PRKN: variants seen among roughly 807,000 people sequenced by gnomAD.
The protein encoded by PRKN is parkin RBR E3 ubiquitin protein ligase, also known as E3 ubiquitin-protein ligase parkin.
PRKN carries 56 observed loss-of-function variants against 59.5 expected under a neutral mutation model. That is an observed-to-expected ratio of 0.94 (90% CI 0.76 to 1.18). The LOEUF is 1.18. Ranked by LOEUF, PRKN falls within the 50% of genes most tolerant of loss-of-function variation. PRKN has a pLI of 0.00. For synonymous variants in PRKN, 250 were observed against 222.1 expected (o/e 1.13, Z -1.12); for missense variants, 657 against 596.4 (o/e 1.10, Z -1.06).
intron 1 of PRKN, among the ~76,000 whole-genome samples, chr6:162,624,966 C>G (rs915078566): frequency 1.3e-5 from 2 of 152,226 alleles, no homozygotes; most frequent in African/African-American, 2.4e-5. Context: ...AGTGTTTCAA[C>G]CATCTGCTAC....
intron 6 of PRKN, among the ~76,000 whole-genome samples, chr6:161,799,804 C>T (rs370754639): frequency 1.3e-5 from 2 of 152,196 alleles, no homozygotes; most frequent in African/African-American, 4.8e-5. Flanking sequence ...GGGGATGGGA[C>T]ATTTGCATTG....
intron 2 of PRKN, among the ~76,000 whole-genome samples, chr6:162,353,535 A>G (rs1209652060): frequency 6.6e-6 from 1 of 152,204 alleles, no homozygotes; most frequent in East Asian, 1.9e-4. Context: ...TCATATTCAC[A>G]TATGTATACT....
intron 3 of PRKN, among the ~76,000 whole-genome samples, chr6:162,225,155 A>G (rs1299040362): frequency 6.6e-6 from 1 of 152,196 alleles, no homozygotes; most frequent in East Asian, 1.9e-4. Context: ...GAGCAGGTGC[A>G]AAAGACAAAA....
At chr6:162,599,365 G>A (rs949123217) in intron 1 of PRKN, among the ~76,000 whole-genome samples, 1 of 152,028 alleles carries the variant, frequency 6.6e-6, no homozygotes, top group Admixed American at 6.6e-5. Context: ...AAGTCCACCC[G>A]ACCTCACAAG....
At chr6:162,303,908 G>A (rs2128114800) in intron 2 of PRKN, among the ~76,000 whole-genome samples, 1 of 152,212 alleles carries the variant, frequency 6.6e-6, no homozygotes, top group Admixed American at 6.5e-5. Flanking sequence ...ATAGGAATGA[G>A]GAGGGAGGCA....
chr6:162,501,351 C>CG (rs1359604359), intron 1 of PRKN, among the ~76,000 whole-genome samples: 1 of 110,416 alleles, frequency 9.1e-6, no homozygotes, highest in African/African-American at 3.1e-5. Context: ...TCCCTTTTTT[C>CG]CTTTTTTTTT....
chr6:162,587,891 G>A, intron 1 of PRKN, among the ~76,000 whole-genome samples: 1 of 151,940 alleles, frequency 6.6e-6, no homozygotes, highest in South Asian at 2.1e-4. Flanking sequence ...TATGTTGCAA[G>A]GAGATTATAC....
chr6:161,772,066 A>G (rs1378988033), intron 7 of PRKN, among the ~76,000 whole-genome samples: 4 of 152,200 alleles, frequency 2.6e-5, no homozygotes, highest in Non-Finnish European at 5.9e-5. Flanking sequence ...CCAAAGCAAC[A>G]TACAGTATTG....
At chr6:162,499,546 C>CATTTA (rs1793266369) in intron 1 of PRKN, among the ~76,000 whole-genome samples, 1 of 152,164 alleles carries the variant, frequency 6.6e-6, no homozygotes, top group South Asian at 2.1e-4. Flanking sequence ...AATGTGGAGA[C>CATTTA]TGGGGCAACT....
intron 6 of PRKN, among the ~76,000 whole-genome samples, chr6:161,839,537 C>T (rs1032575274): frequency 5.3e-5 from 8 of 152,128 alleles, no homozygotes; most frequent in South Asian, 2.1e-4. Context: ...AGGAGGTAGC[C>T]GGGGGTCCCA....
intron 7 of PRKN, among the ~76,000 whole-genome samples, chr6:161,746,748 C>T (rs752770799): frequency 2.3e-4 from 33 of 144,572 alleles, no homozygotes; most frequent in Non-Finnish European, 4.2e-4. Context: ...TCTAGATATG[C>T]ACATATATAT....
chr6:161,994,720 T>C (rs1178097253), intron 5 of PRKN, among the ~76,000 whole-genome samples: 1 of 151,284 alleles, frequency 6.6e-6, no homozygotes, highest in Non-Finnish European at 1.5e-5. Context: ...TTACAATAGC[T>C]ACCAAAAAAT....
intron 4 of PRKN, among the ~76,000 whole-genome samples, chr6:162,132,054 G>T (rs1330276608): frequency 6.6e-6 from 1 of 152,282 alleles, no homozygotes; most frequent in South Asian, 2.1e-4. Flanking sequence ...ACATAGAGCT[G>T]GGTTTTGTTA....
chr6:162,159,847 G>T (rs1443749918), intron 4 of PRKN, among the ~76,000 whole-genome samples: 2 of 152,184 alleles, frequency 1.3e-5, no homozygotes, highest in Admixed American at 6.5e-5. Flanking sequence ...ATTCAGTGGA[G>T]AATGGACAAT....
chr6:162,114,241 A>G (rs890927200), intron 4 of PRKN, among the ~76,000 whole-genome samples: 15 of 152,040 alleles, frequency 9.9e-5, no homozygotes, highest in Non-Finnish European at 1.9e-4. Context: ...TTGTTTTCCA[A>G]TTCTGTGAAG....
chr6:162,133,527 G>C (rs947751815), intron 4 of PRKN, among the ~76,000 whole-genome samples: 3 of 152,086 alleles, frequency 2.0e-5, no homozygotes, highest in Non-Finnish European at 1.5e-5. Context: ...CTATCCAATG[G>C]GTAGCTGAAT....
intron 2 of PRKN, among the ~76,000 whole-genome samples, chr6:162,336,361 T>C (rs1783847090): frequency 6.6e-6 from 1 of 152,170 alleles, no homozygotes; most frequent in African/African-American, 2.4e-5. Context: ...CTCCTCTCTC[T>C]GGAAGCCTCA....
Position 161,700,538 on chromosome 6 carries a change from G to A in PRKN, c.871+85234C>T, listed in dbSNP as rs974719859. ...GGACCTGATGTATATCAGGTAATGG[G>A]GTTAGCTGTTGGAGGCTACAACTTC... On this transcript the variant is annotated intron_variant, in intron 7 of 11. Transcript: ENST00000366898. 2.0e-5 allele frequency among the ~76,000 whole-genome samples: 3 copies of A among 152,088 alleles called. 1 individual carries two copies. Among genetic ancestry groups the A allele is most frequent in the Admixed American group, 6.5e-5 (1 of 15,268 alleles).
chr6:162,230,834 C>A (rs369049668), intron 3 of PRKN, among the ~76,000 whole-genome samples: 2 of 152,318 alleles, frequency 1.3e-5, no homozygotes, highest in South Asian at 4.1e-4. Flanking sequence ...CTCTTTAAAG[C>A]AGTACTTTAT....
Sources: gnomAD v4.1 joint callset for allele counts (sites outside exome capture counted in the v4.1 genomes callset) on GRCh38, gnomAD v4.1.1 for gene constraint, MANE v1.5 for transcripts, NCBI Gene and HGNC (gene_info 2026-07-23, HGNC 2026-07-21) for gene names.